Variants in TOP3A observed in about 807,000 individuals in gnomAD.
TOP3A encodes the protein DNA topoisomerase 3-alpha.
Under a neutral mutation model 111.3 loss-of-function variants are expected in TOP3A, and 64 were observed. The observed-to-expected ratio is 0.57, with a 90% CI of 0.47 to 0.71. The LOEUF is 0.71. Ranked by LOEUF, TOP3A falls within the 30% of genes least tolerant of loss-of-function variation. TOP3A has a pLI of 0.00. For missense variants in TOP3A, 1,104 were observed against 1,285.0 expected, an observed-to-expected ratio of 0.86 and a Z score of 2.15; for synonymous variants, 484 against 485.1, an observed-to-expected ratio of 1.00 and a Z score of 0.03.
intron 7 of TOP3A, 33 bp downstream of exon 7, chr17:18,302,231 G>A: frequency 6.3e-7 from 1 of 1,578,206 alleles, no homozygotes; most frequent in South Asian, 1.2e-5. Context: ...GAGCCCATAG[G>A]TCCCAGGCCA....
chr17:18,274,902 G>GC lies in TOP3A; in HGVS notation c.2905dup (p.Ala969GlyfsTer38), dbSNP rs749146078. On this transcript the variant is annotated frameshift_variant, in exon 19 of 19. Transcript: ENST00000321105. LOFTEE classifies it high-confidence loss of function. The stretch of plus-strand genomic sequence containing the variant: ...TGTGGACCCCATGTCTGAGGAACTG[G>GC]CCCGGGGCCTTTTGCTTCTGGCTTC... The GC allele has an allele frequency of 1.1e-5, 18 of 1,614,172 alleles. 1 individual carries two copies. In the South Asian group the frequency reaches 1.9e-4, roughly 17 times the overall value.
intron 17 of TOP3A, among the ~76,000 whole-genome samples, chr17:18,279,631 C>T (rs560968373): frequency 2.0e-5 from 3 of 151,768 alleles, no homozygotes; most frequent in South Asian, 4.2e-4. Flanking sequence ...CCTCGTGATC[C>T]GCCTGTCTCG....
chr17:18,300,563 A>AT (rs568402372), intron 8 of TOP3A, among the ~76,000 whole-genome samples: 2,786 of 149,604 alleles, frequency 0.019, 46 homozygotes, highest in Non-Finnish European at 0.029. Flanking sequence ...TTATTATTTG[A>AT]TTTTTTTTTT....
chr17:18,298,231 C>T (rs1182990511), intron 9 of TOP3A, among the ~76,000 whole-genome samples: 2 of 150,830 alleles, frequency 1.3e-5, no homozygotes, highest in South Asian at 2.1e-4. Flanking sequence ...GCCCAGCAGC[C>T]GCGCCGTCTG....
intron 15 of TOP3A, among the ~76,000 whole-genome samples, chr17:18,284,265 G>A (rs1380119511): frequency 6.6e-6 from 1 of 151,726 alleles, no homozygotes; most frequent in African/African-American, 2.4e-5. Context: ...ACCCGCCTCG[G>A]CCTCCCAAAG....
At chr17:18,282,551 C>T in intron 16 of TOP3A, 147 bp downstream of exon 16, 1 of 1,134,052 alleles carries the variant, frequency 8.8e-7, no homozygotes, top group African/African-American at 1.5e-5. Flanking sequence ...CCCTGCTATG[C>T]TTTTAGGCCA....
intron 4 of TOP3A, among the ~76,000 whole-genome samples, chr17:18,306,076 C>T (rs1346272114): frequency 1.3e-5 from 2 of 152,054 alleles, no homozygotes; most frequent in East Asian, 3.9e-4. Flanking sequence ...GTGGCAGGCG[C>T]CTGTAATCTC....
At chr17:18,308,514 A>G (rs1981723091) in intron 2 of TOP3A, 90 bp from the exon 3 acceptor site, 2 of 899,102 alleles carry the variant, frequency 2.2e-6, no homozygotes, top group African/African-American at 1.7e-5. Flanking sequence ...AGCTTCTATT[A>G]AAGACATTTT....
intron 1 of TOP3A, chr17:18,311,948 CCT>C (rs1306828871): frequency 6.6e-6 from 1 of 152,320 alleles, no homozygotes; most frequent in African/African-American, 2.4e-5. Flanking sequence ...GGCCCTGGCC[CCT>C]GTTGTCATGG....
chr17:18,305,488 G>GA (rs1981513513), intron 4 of TOP3A, among the ~76,000 whole-genome samples: 1 of 141,100 alleles, frequency 7.1e-6, no homozygotes, highest in Admixed American at 7.3e-5. Flanking sequence ...ACACACACAC[G>GA]CGCGCGCGCG....
intron 9 of TOP3A, among the ~76,000 whole-genome samples, chr17:18,297,981 C>T (rs867612432): frequency 4.8e-5 from 7 of 147,220 alleles, no homozygotes; most frequent in East Asian, 2.0e-4. Flanking sequence ...AAGTGAGGAG[C>T]GCCTCTTCCC....
chr17:18,286,675 T>G (rs1184766650), intron 13 of TOP3A, among the ~76,000 whole-genome samples: 1 of 152,176 alleles, frequency 6.6e-6, no homozygotes, highest in African/African-American at 2.4e-5. Flanking sequence ...TACAGCCACT[T>G]CAGAAAAGTT....
intron 9 of TOP3A, among the ~76,000 whole-genome samples, chr17:18,296,964 T>A (rs1980846820): frequency 6.6e-6 from 1 of 152,116 alleles, no homozygotes; most frequent in South Asian, 2.1e-4. Context: ...ATGAAAAAAA[T>A]GCTTGGGTGG....
intron 5 of TOP3A, 67 bp downstream of exon 5, chr17:18,305,045 A>G: frequency 7.3e-7 from 1 of 1,377,264 alleles, no homozygotes; most frequent in South Asian, 1.2e-5. Flanking sequence ...ATGTGCACAT[A>G]TAAACAAGAA....
intron 16 of TOP3A, 89 bp from the exon 17 acceptor site, chr17:18,280,747 C>T (rs570362532): frequency 4.1e-6 from 6 of 1,456,576 alleles, no homozygotes; most frequent in Admixed American, 3.7e-5. Flanking sequence ...TCCTCAGCTG[C>T]CCGAGGACAA....
chr17:18,309,496 G>A (rs1269825600), intron 1 of TOP3A, among the ~76,000 whole-genome samples: 2 of 151,752 alleles, frequency 1.3e-5, no homozygotes, highest in African/African-American at 4.8e-5. Flanking sequence ...TACAACAATT[G>A]GCCAGGTGTG....
At chr17:18,275,845 C>T (rs183147656) in intron 18 of TOP3A, among the ~76,000 whole-genome samples, 1 of 142,446 alleles carries the variant, frequency 7.0e-6, no homozygotes, top group East Asian at 2.1e-4. Flanking sequence ...TTAGTAGAGA[C>T]GGGGTTTCAC....
chr17:18,287,304 C>T (rs909039797), intron 13 of TOP3A, among the ~76,000 whole-genome samples: 1 of 151,788 alleles, frequency 6.6e-6, no homozygotes. Flanking sequence ...GAGACCGAGG[C>T]GGGTGGATCA....
chr17:18,314,358 C>T (rs549125670), intron 1 of TOP3A, among the ~76,000 whole-genome samples: 26 of 152,230 alleles, frequency 1.7e-4, no homozygotes, highest in Non-Finnish European at 3.5e-4. Flanking sequence ...GTTTGGGAAC[C>T]TGCTAAGCGC....
Sources: allele counts gnomAD v4.1 joint callset (sites outside exome capture counted in the v4.1 genomes callset), GRCh38; gene constraint gnomAD v4.1.1; transcripts MANE v1.5; gene names NCBI Gene and HGNC (gene_info 2026-07-23, HGNC 2026-07-21).